Variants in ALKBH1 observed in about 807,000 individuals in gnomAD.
The protein encoded by ALKBH1 is alkB homolog 1, histone H2A dioxygenase.
ALKBH1 carries 31 observed loss-of-function variants against 36.6 expected under a neutral mutation model. The observed-to-expected ratio is 0.85, with a 90% CI of 0.64 to 1.14. The LOEUF (loss-of-function observed/expected upper bound fraction) is 1.14, where lower values mean the gene tolerates loss of function less well. ALKBH1 is among the 50% of genes most tolerant of loss of function. ALKBH1 has a pLI of 0.00. For synonymous variants in ALKBH1, 183 were observed against 186.6 expected, an observed-to-expected ratio of 0.98 and a Z score of 0.16; for missense variants, 490 against 497.3, an observed-to-expected ratio of 0.99 and a Z score of 0.14.
intron 4 of ALKBH1, among the ~76,000 whole-genome samples, chr14:77,676,124 T>C (rs1317430301): frequency 1.3e-5 from 2 of 151,108 alleles, no homozygotes; most frequent in African/African-American, 4.9e-5. Flanking sequence ...GTCTCCCAAG[T>C]AGGTAGGACC....
At chr14:77,694,951 G>C in intron 2 of ALKBH1, 51 bp from the exon 3 acceptor site, 1 of 1,380,532 alleles carries the variant, frequency 7.2e-7, no homozygotes, top group South Asian at 1.8e-5. Context: ...TTCTCCATCA[G>C]TTATTCAAAT....
chr14:77,705,246 C>G (rs1338959223), intron 1 of ALKBH1, among the ~76,000 whole-genome samples: 1 of 152,010 alleles, frequency 6.6e-6, no homozygotes, highest in Non-Finnish European at 1.5e-5. Flanking sequence ...AACCCCGTCT[C>G]TACTAAAAAT....
chr14:77,683,202 T>C, intron 3 of ALKBH1: 1 of 688,654 alleles, frequency 1.5e-6, no homozygotes, highest in East Asian at 2.8e-5. Flanking sequence ...TTAACACCTA[T>C]TATGCTATGA....
chr14:77,683,966 C>CCTCTTTCCCTTTGTCTTCGTCATTTTT, intron 3 of ALKBH1: 1 of 153,312 alleles, frequency 6.5e-6, no homozygotes, highest in Non-Finnish European at 1.5e-5. Context: ...AGGTACTTCT[C>CCTCTTTCCCTTTGTCTTCGTCATTTTT]CTCTTTCCCT....
At position 77,707,844 on chromosome 14, in the gene ALKBH1, C is replaced by T; in HGVS notation, c.161G>A (p.Gly54Asp). 1 of 1,610,820 alleles carries T rather than the reference C, an allele frequency of 6.2e-7. No individual in the cohort carries two copies. The highest frequency in any genetic ancestry group is 2.2e-5 in the East Asian group (1 of 44,844). The change falls in exon 1 of 6, where the codon GGC (glycine) becomes GAC (aspartate). Residue 54 changes from glycine (G) to aspartate (D), a missense_variant. Physicochemically the swap from Gly to Asp is moderately conservative, Grantham distance 94. Coordinates refer to ENST00000216489, the MANE Select transcript of ALKBH1 (RefSeq NM_006020.3). ...IDFSAAHAAR[G>D]KGPGAQKVIK... ...TACCTTTTGGGCACCAGGACCCTTG[C>T]CACGGGCTGCGTGGGCCGCCGAGAA...
At chr14:77,676,436 A>C (rs2080206430) in intron 4 of ALKBH1, among the ~76,000 whole-genome samples, 1 of 152,220 alleles carries the variant, frequency 6.6e-6, no homozygotes, top group South Asian at 2.1e-4. Context: ...CTCTATCTGT[A>C]AATGAGACAG....
intron 2 of ALKBH1, among the ~76,000 whole-genome samples, chr14:77,700,148 T>A (rs1320089470): frequency 6.6e-6 from 1 of 152,168 alleles, no homozygotes; most frequent in Non-Finnish European, 1.5e-5. Flanking sequence ...ACTATCAGAA[T>A]TTCAAAGAGA....
At chr14:77,680,078 G>C (rs187480707) in intron 3 of ALKBH1, 108 bp from the exon 4 acceptor site, 74 of 783,530 alleles carry the variant, frequency 9.4e-5, no homozygotes, top group African/African-American at 9.3e-4. Flanking sequence ...TAAGCCGTTA[G>C]CCAAGACTCA....
intron 1 of ALKBH1, among the ~76,000 whole-genome samples, chr14:77,706,917 C>G (rs1595061873): frequency 6.6e-6 from 1 of 152,182 alleles, no homozygotes; most frequent in South Asian, 2.1e-4. Context: ...AATGCCTCAT[C>G]TAGACATCTG....
intron 1 of ALKBH1, 129 bp downstream of exon 1, chr14:77,707,693 G>T: frequency 9.2e-7 from 1 of 1,085,712 alleles, no homozygotes; most frequent in Non-Finnish European, 1.3e-6. Flanking sequence ...CGACTCTGCA[G>T]CCAAAGGAGG....
At chr14:77,677,273 C>A (rs2080211456) in intron 4 of ALKBH1, among the ~76,000 whole-genome samples, 1 of 152,104 alleles carries the variant, frequency 6.6e-6, no homozygotes, top group African/African-American at 2.4e-5. Flanking sequence ...CTTCTGACCT[C>A]AAGTGAACTG....
chr14:77,698,082 T>G (rs2080337933), intron 2 of ALKBH1, among the ~76,000 whole-genome samples: 1 of 152,158 alleles, frequency 6.6e-6, no homozygotes, highest in African/African-American at 2.4e-5. Context: ...AAAGACAAGT[T>G]AAACTCCTTT....
In ALKBH1 at chr14:77,675,776, CA is replaced by C; in HGVS notation, c.619del (p.Cys207ValfsTer13). 6.2e-7 allele frequency: 1 copy of C among 1,614,128 alleles called. No homozygotes were observed. The highest frequency in any genetic ancestry group is 1.1e-5 in the South Asian group (1 of 91,082). On this transcript the variant is annotated frameshift_variant, in exon 5 of 6. Transcript: ENST00000216489. LOFTEE classifies it high-confidence loss of function. ...TTCAGCTCGGAAATCCTCAAATCCA[CA>C]GGCAGCGGCTACTTGCTCTGAGAGG... ...GFLSEQVAAA[C>X]GFEDFRAEAG...
chr14:77,677,795 T>C (rs897075462), intron 4 of ALKBH1, among the ~76,000 whole-genome samples: 1 of 152,190 alleles, frequency 6.6e-6, no homozygotes, highest in African/African-American at 2.4e-5. Context: ...TAAAGAACTT[T>C]AAGTTTTCCT....
intron 3 of ALKBH1, among the ~76,000 whole-genome samples, chr14:77,685,058 CAAT>C (rs1403594823): frequency 1.3e-5 from 2 of 152,162 alleles, no homozygotes; most frequent in Admixed American, 6.5e-5. Context: ...ATGTTATTAA[CAAT>C]AAAAATTATC....
chr14:77,695,002 C>T, intron 2 of ALKBH1, 102 bp from the exon 3 acceptor site: 2 of 1,052,648 alleles, frequency 1.9e-6, no homozygotes, highest in Non-Finnish European at 2.5e-6. Context: ...TTATTTACTC[C>T]CCATATTTTT....
intron 3 of ALKBH1, among the ~76,000 whole-genome samples, chr14:77,684,620 T>G (rs967703285): frequency 6.6e-5 from 10 of 152,158 alleles, no homozygotes; most frequent in Non-Finnish European, 1.3e-4. Flanking sequence ...CTCAGCCTCC[T>G]AACAGTCACA....
chr14:77,692,378 G>A (rs1177846752), intron 3 of ALKBH1, among the ~76,000 whole-genome samples: 1 of 151,308 alleles, frequency 6.6e-6, no homozygotes, highest in East Asian at 1.9e-4. Context: ...AAGAGAATTT[G>A]TCCATGGATG....
intron 3 of ALKBH1, among the ~76,000 whole-genome samples, chr14:77,687,948 C>T (rs2080277469): frequency 6.6e-6 from 1 of 152,070 alleles, no homozygotes; most frequent in Admixed American, 6.6e-5. Context: ...CTTAGTTACT[C>T]CTAAGCTCAG....
Sources: gnomAD v4.1 joint callset for allele counts (sites outside exome capture counted in the v4.1 genomes callset) on GRCh38, gnomAD v4.1.1 for gene constraint, MANE v1.5 for transcripts, NCBI Gene and HGNC (gene_info 2026-07-23, HGNC 2026-07-21) for gene names.